Variants in PCDHA9 observed in about 807,000 individuals in gnomAD.
PCDHA9 encodes the protein protocadherin alpha 9, also known as protocadherin alpha-9.
Under a neutral mutation model 62.0 loss-of-function variants are expected in PCDHA9, and 62 were observed. The observed-to-expected ratio is 1.00, with a 90% CI of 0.81 to 1.23. The LOEUF (loss-of-function observed/expected upper bound fraction) is 1.23, where lower values mean the gene tolerates loss of function less well. Among genes scored for constraint, PCDHA9 ranks in the 50% most tolerant of loss-of-function variants. PCDHA9 has a pLI of 0.00. For synonymous variants in PCDHA9, 557 were observed against 567.6 expected, an observed-to-expected ratio of 0.98 and a Z score of 0.27; for missense variants, 1,205 against 1,249.8, an observed-to-expected ratio of 0.96 and a Z score of 0.54.
At chr5:140,871,418 G>A in intron 1 of PCDHA9, 4 of 1,613,874 alleles carry the variant, frequency 2.5e-6, no homozygotes, top group Admixed American at 1.7e-5. Context: ...ATGGCCTTCA[G>A]CCCCAGTCTT....
intron 1 of PCDHA9, among the ~76,000 whole-genome samples, chr5:140,897,888 G>C (rs1554187649): frequency 6.6e-6 from 1 of 152,150 alleles, no homozygotes; most frequent in Non-Finnish European, 1.5e-5. Flanking sequence ...ATTCTAACTG[G>C]TGTGAGATGG....
In PCDHA9 at chr5:140,929,128, A is replaced by G. The variant is rs142487298; in HGVS notation, c.2395-49821A>G. On this transcript the variant is annotated intron_variant, in intron 1 of 3. Transcript: ENST00000532602. Reference sequence around the variant, plus strand: ...GACATCAGCCACCATAGATGTCACTACAGTTGAGAGACTTTCTCAGACTTA... The same window carrying G: ...GACATCAGCCACCATAGATGTCACTGCAGTTGAGAGACTTTCTCAGACTTA... The G allele has an allele frequency of 8.1e-6, 13 of 1,614,054 alleles. No individual in the cohort carries two copies. In the African/African-American group the frequency reaches 1.5e-4, roughly 18 times the overall value.
intron 1 of PCDHA9, chr5:140,870,542 A>T (rs781984897): frequency 1.2e-6 from 2 of 1,614,132 alleles, no homozygotes; most frequent in Non-Finnish European, 1.7e-6. Context: ...TCGGCGCGGG[A>T]CGCGGACGCG....
In PCDHA9 at chr5:140,882,469, G is replaced by C; in HGVS notation, c.2394+31580G>C. Reference sequence around the variant, plus strand: ...TGGTGCCGCGCCTGTTCCGGGTGGCGTCCAAAAGACACGGGGACCTTCTGG... The same window carrying C: ...TGGTGCCGCGCCTGTTCCGGGTGGCCTCCAAAAGACACGGGGACCTTCTGG... On this transcript the variant is annotated intron_variant, in intron 1 of 3. Coordinates refer to ENST00000532602, the MANE Select transcript of PCDHA9 (RefSeq NM_031857.2). The C allele has an allele frequency of 1.2e-6, 2 of 1,614,032 alleles. 1 individual carries two copies. Among genetic ancestry groups the C allele is most frequent in the South Asian group, 2.2e-5 (2 of 91,072 alleles).
At chr5:140,968,845 G>A in intron 1 of PCDHA9, 1 of 1,614,176 alleles carries the variant, frequency 6.2e-7, no homozygotes. Flanking sequence ...ACACTCAGAG[G>A]CATGTTAAGA....
At position 140,876,586 on chromosome 5, in the gene PCDHA9, A is replaced by C. The variant is rs782256478; in HGVS notation, c.2394+25697A>C. 3 of 1,614,148 alleles carry C rather than the reference A, an allele frequency of 1.9e-6. No individual in the cohort carries two copies. The South Asian group carries it at 3.3e-5, about 18-fold the overall frequency. On this transcript the variant is annotated intron_variant, in intron 1 of 3. Transcript: ENST00000532602. Reference sequence around the variant, plus strand: ...TCAGGTGGGTACCGTCATTGCCCTGATTAGCGTGTCGGATCGTGACTCTGG... The same window carrying C: ...TCAGGTGGGTACCGTCATTGCCCTGCTTAGCGTGTCGGATCGTGACTCTGG...
At chr5:140,911,021 G>A (rs1340465729) in intron 1 of PCDHA9, among the ~76,000 whole-genome samples, 2 of 152,066 alleles carry the variant, frequency 1.3e-5, no homozygotes, top group African/African-American at 4.8e-5. Context: ...CTTTAGTCTA[G>A]TTATAGGTCT....
chr5:140,856,116 G>A, intron 1 of PCDHA9: 2 of 1,598,152 alleles, frequency 1.3e-6, no homozygotes, highest in African/African-American at 2.7e-5. Context: ...CTCGCAGCCT[G>A]GGAGGTGGGG....
chr5:140,961,326 G>T (rs1450202899), intron 1 of PCDHA9, among the ~76,000 whole-genome samples: 1 of 152,154 alleles, frequency 6.6e-6, no homozygotes, highest in Admixed American at 6.5e-5. Flanking sequence ...TCTGTTTCTT[G>T]AGAGACCAAG....
intron 1 of PCDHA9, chr5:140,867,128 A>G (rs1328487179): frequency 2.0e-5 from 3 of 152,164 alleles, no homozygotes; most frequent in African/African-American, 4.8e-5. Flanking sequence ...TAATTCAAAT[A>G]TGTGATATTA....
chr5:140,879,872 T>C (rs944464993), intron 1 of PCDHA9, among the ~76,000 whole-genome samples: 1 of 152,208 alleles, frequency 6.6e-6, no homozygotes, highest in African/African-American at 2.4e-5. Context: ...GCTTTCATGG[T>C]CACATTGCCT....
At chr5:140,856,743 T>A in intron 1 of PCDHA9, 1 of 1,596,776 alleles carries the variant, frequency 6.3e-7, no homozygotes, top group Non-Finnish European at 8.6e-7. Flanking sequence ...ATCCTGGTGT[T>A]AGATGCCAAT....
rs140124026 is a variant in PCDHA9, at chr5:140,973,683, C to T, written c.2395-5266C>T. On this transcript the variant is annotated intron_variant, in intron 1 of 3. Coordinates refer to ENST00000532602, the MANE Select transcript of PCDHA9 (RefSeq NM_031857.2). ...TTTATTGTAGCTTGAATGTCATTGG[C>T]CTACTGTTTCCTTCTGACCCAGGAG... is the stretch of plus-strand genomic sequence containing the variant. Among the ~76,000 whole-genome samples, 5 of 152,316 alleles carry T rather than the reference C, an allele frequency of 3.3e-5. No homozygotes were observed. The East Asian group carries it at 7.7e-4, about 24-fold the overall frequency.
At chr5:140,880,944 G>A (rs1256173059) in intron 1 of PCDHA9, among the ~76,000 whole-genome samples, 2 of 152,198 alleles carry the variant, frequency 1.3e-5, no homozygotes, top group African/African-American at 4.8e-5. Context: ...AATGGAGCAG[G>A]AGAGGATGAT....
intron 1 of PCDHA9, chr5:140,876,833 C>A: frequency 1.2e-6 from 2 of 1,614,176 alleles, no homozygotes; most frequent in Admixed American, 1.7e-5. Flanking sequence ...AATGCGCCTG[C>A]GTTCGCGCAG....
chr5:140,873,734 C>T (rs2054463877), intron 1 of PCDHA9, among the ~76,000 whole-genome samples: 1 of 152,178 alleles, frequency 6.6e-6, no homozygotes, highest in African/African-American at 2.4e-5. Flanking sequence ...AATCTCAGCT[C>T]ACTGCAATCT....
At chr5:140,913,862 T>G (rs1554196081) in intron 1 of PCDHA9, among the ~76,000 whole-genome samples, 1 of 152,218 alleles carries the variant, frequency 6.6e-6, no homozygotes, top group African/African-American at 2.4e-5. Flanking sequence ...GCATATTGTT[T>G]AATTTCCATG....
intron 1 of PCDHA9, chr5:140,855,925 C>A: frequency 1.6e-6 from 2 of 1,240,618 alleles, no homozygotes; most frequent in African/African-American, 1.5e-5. Flanking sequence ...TAGGAAGTAG[C>A]GTCATTCTGA....
intron 2 of PCDHA9, chr5:140,982,197 A>G: frequency 1.5e-5 from 6 of 389,618 alleles, no homozygotes; most frequent in Non-Finnish European, 2.1e-5. Flanking sequence ...TTCCTGTTAG[A>G]TTTAGTGAGC....
Sources: gnomAD v4.1 joint callset for allele counts (sites outside exome capture counted in the v4.1 genomes callset) on GRCh38, gnomAD v4.1.1 for gene constraint, MANE v1.5 for transcripts, NCBI Gene and HGNC (gene_info 2026-07-23, HGNC 2026-07-21) for gene names.